LTBP1: variants seen among roughly 807,000 people sequenced by gnomAD.
LTBP1 encodes the protein latent-transforming growth factor beta-binding protein 1.
In LTBP1, 129 loss-of-function variants were observed where a neutral mutation model predicts 207.6. That is an observed-to-expected ratio of 0.62 (90% CI 0.54 to 0.72). The LOEUF (loss-of-function observed/expected upper bound fraction) is 0.72, where lower values mean the gene tolerates loss of function less well. LTBP1 is among the 30% of genes least tolerant of loss of function. The probability of loss-of-function intolerance (pLI) is 0.00; values close to 1 mark genes in which losing one functional copy is unlikely to be tolerated. For synonymous variants in LTBP1, 963 were observed against 833.7 expected, an observed-to-expected ratio of 1.16 and a Z score of -2.67; for missense variants, 2,281 against 2,217.2, an observed-to-expected ratio of 1.03 and a Z score of -0.58.
chr2:32,950,554 CAA>C (rs61179206), intron 2 of LTBP1, among the ~76,000 whole-genome samples: 7,686 of 114,900 alleles, frequency 0.067, 247 homozygotes, highest in African/African-American at 0.1. Flanking sequence ...GACTCTGTCT[CAA>C]AAAAAAAAAA....
intron 5 of LTBP1, among the ~76,000 whole-genome samples, chr2:33,168,155 G>C (rs2085088969): frequency 6.6e-6 from 1 of 152,134 alleles, no homozygotes; most frequent in Admixed American, 6.6e-5. Context: ...TGAGGCGGGA[G>C]GATTGCTTGA....
intron 7 of LTBP1, among the ~76,000 whole-genome samples, chr2:33,195,982 G>A (rs917230484): frequency 4.6e-5 from 7 of 152,182 alleles, no homozygotes; most frequent in South Asian, 2.1e-4. Context: ...ATGATTATTA[G>A]CATTTTTAAA....
Position 33,300,476 on chromosome 2 carries a change from T to A in LTBP1, c.3261T>A (p.Asn1087Lys), listed in dbSNP as rs770044621. ...ATATTGATGAATGTCAGCAAGGGAA[T>A]CTATGTGTAAACGGGCAGTGCAAAA... is the stretch of plus-strand genomic sequence containing the variant. ...CRDIDECQQG[N>K]LCVNGQCKNT... is the part of the protein sequence containing the mutation. The change falls in exon 21 of 34, where the codon AAT (asparagine) becomes AAA (lysine). Residue 1087 changes from asparagine to lysine, a missense_variant. This residue lies in a region of LTBP1 where 1,671 missense variants were observed against 1,634.8 expected (regional missense o/e 1.02). Transcript: ENST00000404816. The A allele has an allele frequency of 3.7e-6, 6 of 1,613,486 alleles. No homozygotes were observed. In the African/African-American group the frequency reaches 6.7e-5, roughly 18 times the overall value.
chr2:33,315,520 G>A (rs1558998567), intron 24 of LTBP1, among the ~76,000 whole-genome samples: 2 of 152,216 alleles, frequency 1.3e-5, no homozygotes, highest in South Asian at 4.1e-4. Flanking sequence ...ATTAATGAGT[G>A]GAAATGTGCA....
intron 27 of LTBP1, 41 bp from the exon 28 acceptor site, chr2:33,361,388 A>G (rs1574012693): frequency 8.1e-7 from 1 of 1,240,410 alleles, no homozygotes; most frequent in African/African-American, 1.8e-5. Flanking sequence ...TTCATGGAAG[A>G]TGTTGAATCT....
Position 33,257,430 on chromosome 2 carries a change from C to G in LTBP1, c.2314C>G (p.Pro772Ala). ...ACCTGTTGCTAAAAGTACTCATCCTCCACCTCTCCCAGCCAAGGAAGAGCC... is the reference window on the plus strand; with the variant it reads ...ACCTGTTGCTAAAAGTACTCATCCTGCACCTCTCCCAGCCAAGGAAGAGCC... ...TQPVAKSTHP[P>A]PLPAKEEPVE... is the part of the protein sequence containing the mutation. The change falls in exon 12 of 34, where the codon CCA (proline) becomes GCA (alanine). Residue 772 changes from proline to alanine, a missense_variant. Physicochemically the swap from Pro to Ala is conservative, Grantham distance 27. This residue lies in a region of LTBP1 where 1,671 missense variants were observed against 1,634.8 expected (regional missense o/e 1.02). Coordinates refer to ENST00000404816, the MANE Select transcript of LTBP1 (RefSeq NM_206943.4). 2 of 1,614,212 alleles carry G rather than the reference C, an allele frequency of 1.2e-6. No homozygotes were observed. The highest frequency in any genetic ancestry group is 1.7e-6 in the Non-Finnish European group (2 of 1,180,026).
At chr2:33,263,535 T>C in intron 15 of LTBP1, 143 bp downstream of exon 15, 2 of 573,044 alleles carry the variant, frequency 3.5e-6, no homozygotes, top group East Asian at 2.8e-5. Context: ...CTAAATACAG[T>C]TAAAAAGGAG....
intron 2 of LTBP1, among the ~76,000 whole-genome samples, chr2:32,991,210 C>G (rs1422688784): frequency 6.6e-6 from 1 of 152,106 alleles, no homozygotes; most frequent in Admixed American, 6.5e-5. Flanking sequence ...AAATATTTGC[C>G]CGCATTAATA....
chr2:33,129,606 A>C (rs1162640845), intron 4 of LTBP1, among the ~76,000 whole-genome samples: 3 of 152,162 alleles, frequency 2.0e-5, no homozygotes, highest in Non-Finnish European at 4.4e-5. Context: ...CCTATTGCTT[A>C]TTCAGTTATT....
At chr2:32,956,417 G>A (rs1055141343) in intron 2 of LTBP1, among the ~76,000 whole-genome samples, 4 of 152,098 alleles carry the variant, frequency 2.6e-5, no homozygotes, top group South Asian at 2.1e-4. Flanking sequence ...CAGCATCTTC[G>A]CCAGGAGTAG....
intron 7 of LTBP1, among the ~76,000 whole-genome samples, chr2:33,213,974 A>G (rs982341042): frequency 6.6e-6 from 1 of 152,220 alleles, no homozygotes; most frequent in Non-Finnish European, 1.5e-5. Context: ...TTGAGAAAAA[A>G]TGATTTATTT....
intron 10 of LTBP1, among the ~76,000 whole-genome samples, chr2:33,249,663 C>G (rs2092625459): frequency 6.6e-6 from 1 of 152,156 alleles, no homozygotes; most frequent in Non-Finnish European, 1.5e-5. Context: ...AAAAAAATTA[C>G]TTTCCTGGTG....
intron 25 of LTBP1, 129 bp from the exon 26 acceptor site, chr2:33,347,238 G>A (rs540695736): frequency 2.2e-6 from 2 of 922,566 alleles, no homozygotes; most frequent in Non-Finnish European, 3.3e-6. Flanking sequence ...AAGAGCAGAA[G>A]GGGTTTGACT....
chr2:33,221,956 G>A (rs7608535), intron 8 of LTBP1, 124 bp from the exon 9 acceptor site: 263,647 of 613,038 alleles, frequency 0.43, 59,673 homozygotes, highest in Non-Finnish European at 0.48. Context: ...CATTGGTATT[G>A]GTTTCTTATA....
intron 3 of LTBP1, among the ~76,000 whole-genome samples, chr2:33,055,909 G>A (rs114688612): frequency 0.018 from 2,714 of 152,252 alleles, 41 homozygotes; most frequent in Non-Finnish European, 0.025. Flanking sequence ...GGAGATGAGA[G>A]GATGATTATC....
chr2:33,295,621 T>G (rs1455743437), intron 20 of LTBP1, among the ~76,000 whole-genome samples: 2 of 152,168 alleles, frequency 1.3e-5, no homozygotes, highest in African/African-American at 4.8e-5. Context: ...CTCCAAGGCT[T>G]CCCTAATTTT....
At chr2:33,140,301 GTTTTTTCTGGAA>G (rs777194604) in intron 5 of LTBP1, among the ~76,000 whole-genome samples, 7,364 of 152,238 alleles carry the variant, frequency 0.048, 256 homozygotes, top group Middle Eastern at 0.14. Context: ...AGCATATGGA[GTTTTTTCTGGAA>G]ACTTAGTTCA....
chr2:33,342,221 C>T (rs1390172803), intron 24 of LTBP1, among the ~76,000 whole-genome samples: 1 of 152,174 alleles, frequency 6.6e-6, no homozygotes, highest in African/African-American at 2.4e-5. Context: ...AATGAATTGG[C>T]AAGTCAGCCA....
At chr2:33,058,309 C>T (rs1438997102) in intron 3 of LTBP1, among the ~76,000 whole-genome samples, 1 of 151,976 alleles carries the variant, frequency 6.6e-6, no homozygotes, top group Non-Finnish European at 1.5e-5. Context: ...TGCAAAAGAC[C>T]ATTGACTATA....
Sources: allele counts gnomAD v4.1 joint callset (sites outside exome capture counted in the v4.1 genomes callset), GRCh38; gene constraint gnomAD v4.1.1; regional missense constraint gnomAD v4.1.1; transcripts MANE v1.5; gene names NCBI Gene and HGNC (gene_info 2026-07-23, HGNC 2026-07-21).